The following BICD1 variants were observed in gnomAD, a reference collection of about 807,000 sequenced individuals.
BICD1 encodes the protein protein bicaudal D homolog 1.
Under a neutral mutation model 92.5 loss-of-function variants are expected in BICD1, and 35 were observed. That is an observed-to-expected ratio of 0.38 (90% CI 0.29 to 0.50). The LOEUF is 0.50. Among genes scored for constraint, BICD1 ranks in the 20% least tolerant of loss-of-function variants. The pLI, the probability that BICD1 is intolerant of heterozygous loss-of-function variation, is 0.93. For synonymous variants in BICD1, 429 were observed against 465.1 expected, an observed-to-expected ratio of 0.92 and a Z score of 1.00; for missense variants, 950 against 1,189.8, an observed-to-expected ratio of 0.80 and a Z score of 2.97.
intron 2 of BICD1, among the ~76,000 whole-genome samples, chr12:32,223,077 CA>C (rs1300706637): frequency 2.6e-5 from 4 of 152,242 alleles, no homozygotes; most frequent in African/African-American, 9.6e-5. Flanking sequence ...TCACTTGCTG[CA>C]TTCAGTTAAA....
intron 2 of BICD1, among the ~76,000 whole-genome samples, chr12:32,221,352 TAAAA>T (rs750415659): frequency 6.9e-6 from 1 of 145,728 alleles, no homozygotes; most frequent in African/African-American, 2.5e-5. Context: ...TCACAAAAAA[TAAAA>T]AAATAAATAA....
rs1347001771 is a variant in BICD1 at position 32,231,818 on chromosome 12, A to G, written c.426+15359A>G. 4.9e-5 allele frequency among the ~76,000 whole-genome samples: 7 copies of G among 141,832 alleles called. No individual in the cohort carries two copies. In the East Asian group the frequency reaches 1.4e-3, roughly 29 times the overall value. 93.0% of individuals were successfully genotyped at this position (141,832 alleles called of 152,430 possible). A position where few individuals can be genotyped will look rare whatever the true frequency, so the allele number is the denominator to read the frequency against. Reference sequence around the variant, plus strand: ...TGATCTCATTGTTCAATTCCCACCTATGAGTGAGAATATGCAGTGTTTGTT... The same window carrying G: ...TGATCTCATTGTTCAATTCCCACCTGTGAGTGAGAATATGCAGTGTTTGTT... On this transcript the variant is annotated intron_variant, in intron 2 of 9. Transcript: ENST00000652176.
At chr12:32,288,451 T>C (rs1319973948) in intron 2 of BICD1, among the ~76,000 whole-genome samples, 1 of 152,060 alleles carries the variant, frequency 6.6e-6, no homozygotes. Context: ...GGGCTCACCA[T>C]GTTGCCCAGG....
intron 2 of BICD1, among the ~76,000 whole-genome samples, chr12:32,252,954 C>G (rs936556652): frequency 6.6e-6 from 1 of 152,152 alleles, no homozygotes; most frequent in African/African-American, 2.4e-5. Flanking sequence ...TCATTGCAAC[C>G]TCTGCCTCCC....
At chr12:32,209,473 A>G (rs2121549794) in intron 1 of BICD1, among the ~76,000 whole-genome samples, 1 of 152,326 alleles carries the variant, frequency 6.6e-6, no homozygotes, top group East Asian at 1.9e-4. Context: ...AATTGGTCAG[A>G]TAATTTTTGT....
chr12:32,346,155 T>C (rs559216153), intron 8 of BICD1, among the ~76,000 whole-genome samples: 21 of 148,842 alleles, frequency 1.4e-4, no homozygotes, highest in African/African-American at 4.1e-4. Flanking sequence ...TTTCAAAAAA[T>C]AAATAAAAAG....
chr12:32,232,438 T>C (rs1041771342), intron 2 of BICD1, among the ~76,000 whole-genome samples: 1 of 151,978 alleles, frequency 6.6e-6, no homozygotes, highest in Non-Finnish European at 1.5e-5. Context: ...TGGGGTTGTT[T>C]GTTTTTTTCT....
At chr12:32,205,861 C>T (rs1945040741) in intron 1 of BICD1, among the ~76,000 whole-genome samples, 1 of 151,764 alleles carries the variant, frequency 6.6e-6, no homozygotes, top group African/African-American at 2.4e-5. Flanking sequence ...TAATCCTCCA[C>T]TCCTGTCCCC....
chr12:32,198,323 C>CATCT lies in BICD1; in HGVS notation c.214-17917_214-17914dup, dbSNP rs1555145656. 1.2e-3 allele frequency among the ~76,000 whole-genome samples: 108 copies of CATCT among 87,928 alleles called. 6 individuals are homozygous for CATCT. The East Asian group carries it at 0.029, about 23-fold the overall frequency. The allele number at this position is 87,928 out of a possible 152,430, so 57.7% of individuals were successfully genotyped here. A position where few individuals can be genotyped will look rare whatever the true frequency, so the allele number is the denominator to read the frequency against. The stretch of plus-strand genomic sequence containing the variant: ...AGGGGATGATTATGGGAATAATATG[C>CATCT]ATCTATCTATATATATATATATATA... On this transcript the variant is annotated intron_variant, in intron 1 of 9. Transcript: ENST00000652176.
At position 32,305,038 on chromosome 12, in the gene BICD1, C is replaced by A. The variant is rs569453943; in HGVS notation, c.580-659C>A. On this transcript the variant is annotated intron_variant, in intron 3 of 9. Coordinates refer to ENST00000652176, the MANE Select transcript of BICD1 (RefSeq NM_001714.4). ...CCCTCTCTCAAAACAAACCAACCAACAAACAAACAAACAAAAGCAATGTAG... is the reference window on the plus strand; with the variant it reads ...CCCTCTCTCAAAACAAACCAACCAAAAAACAAACAAACAAAAGCAATGTAG... 1.8e-4 allele frequency among the ~76,000 whole-genome samples: 27 copies of A among 152,146 alleles called. No homozygotes were observed. The South Asian group carries it at 5.0e-3, about 28-fold the overall frequency.
chr12:32,187,169 G>C (rs1424405298), intron 1 of BICD1, among the ~76,000 whole-genome samples: 1 of 152,126 alleles, frequency 6.6e-6, no homozygotes, highest in African/African-American at 2.4e-5. Flanking sequence ...TTAACTCTTT[G>C]TTCCACGAAA....
At chr12:32,314,855 C>G (rs1405622639) in intron 4 of BICD1, among the ~76,000 whole-genome samples, 2 of 151,994 alleles carry the variant, frequency 1.3e-5, no homozygotes, top group African/African-American at 2.4e-5. Flanking sequence ...ACTGCAGCCT[C>G]AAACCCCTGG....
At chr12:32,364,994 G>A in intron 8 of BICD1, among the ~76,000 whole-genome samples, 1 of 152,206 alleles carries the variant, frequency 6.6e-6, no homozygotes, top group Non-Finnish European at 1.5e-5. Flanking sequence ...CCAGCACTCT[G>A]AGAGGCCAAG....
chr12:32,168,243 T>C (rs1307300521), intron 1 of BICD1, among the ~76,000 whole-genome samples: 1 of 152,230 alleles, frequency 6.6e-6, no homozygotes, highest in Non-Finnish European at 1.5e-5. Flanking sequence ...AAATACCAGA[T>C]TGCTCTAAAT....
At chr12:32,223,256 G>T (rs1408558978) in intron 2 of BICD1, among the ~76,000 whole-genome samples, 1 of 152,106 alleles carries the variant, frequency 6.6e-6, no homozygotes, top group Non-Finnish European at 1.5e-5. Context: ...GGTAGCTCAC[G>T]CCTGTAATTC....
At chr12:32,244,736 CT>C (rs763812997) in intron 2 of BICD1, among the ~76,000 whole-genome samples, 1 of 151,024 alleles carries the variant, frequency 6.6e-6, no homozygotes, top group South Asian at 2.1e-4. Context: ...TCAAGCGATT[CT>C]CCTGCCTCAG....
chr12:32,124,470 A>G (rs927209464), intron 1 of BICD1, among the ~76,000 whole-genome samples: 2 of 152,222 alleles, frequency 1.3e-5, no homozygotes, highest in East Asian at 1.9e-4. Flanking sequence ...GATAATAACT[A>G]TAAGTGGTAA....
intron 1 of BICD1, among the ~76,000 whole-genome samples, chr12:32,142,432 CAAA>C (rs1305439204): frequency 2.0e-5 from 1 of 49,412 alleles, no homozygotes; most frequent in African/African-American, 8.1e-5. Context: ...AAAAAAAAAA[CAAA>C]AAACCCCACC....
chr12:32,158,960 GTC>G (rs1297725752), intron 1 of BICD1, among the ~76,000 whole-genome samples: 1 of 152,068 alleles, frequency 6.6e-6, no homozygotes, highest in Non-Finnish European at 1.5e-5. Context: ...TTGAGATGGA[GTC>G]TCGCTCTGTC....
Sources: allele counts gnomAD v4.1 joint callset (sites outside exome capture counted in the v4.1 genomes callset), GRCh38; gene constraint gnomAD v4.1.1; transcripts MANE v1.5; gene names NCBI Gene and HGNC (gene_info 2026-07-23, HGNC 2026-07-21).